The following FASTKD1 variants were observed in gnomAD, a reference collection of about 807,000 sequenced individuals.
FASTKD1 encodes FAST kinase domain-containing protein 1, mitochondrial.
FASTKD1 carries 94 observed loss-of-function variants against 90.9 expected under a neutral mutation model. That is an observed-to-expected ratio of 1.03 (90% CI 0.88 to 1.23). The LOEUF (loss-of-function observed/expected upper bound fraction) is 1.23. FASTKD1 is among the 50% of genes most tolerant of loss of function. The pLI, the probability that FASTKD1 is intolerant of heterozygous loss-of-function variation, is 0.00. For synonymous variants in FASTKD1, 319 were observed against 345.8 expected, an observed-to-expected ratio of 0.92 and a Z score of 0.86; for missense variants, 945 against 993.5, an observed-to-expected ratio of 0.95 and a Z score of 0.66.
intron 9 of FASTKD1, among the ~76,000 whole-genome samples, chr2:169,543,650 G>A (rs1310771633): frequency 1.3e-5 from 2 of 152,102 alleles, no homozygotes; most frequent in Admixed American, 6.5e-5. Context: ...ATACGCATAC[G>A]CGCTTGTGCA....
chr2:169,546,249 A>G lies in FASTKD1; in HGVS notation c.1670T>C (p.Ile557Thr). The part of the protein sequence containing the change: ...DYLSTLLLDR[I>T]ASVAVQQIEK... ...AATCTGCTGAACAGCCACTGAGGCT[A>G]TCCTATCTAGTAGCAAAGTACTGAG... The change falls in exon 8 of 15, where the codon ATA (isoleucine) becomes ACA (threonine). Residue 557 changes from isoleucine to threonine, a missense_variant. Physicochemically the swap from Ile to Thr is moderately conservative, Grantham distance 89 (BLOSUM62 -1). Coordinates refer to ENST00000453153, the MANE Select transcript of FASTKD1 (RefSeq NM_024622.6). The G allele has an allele frequency of 6.2e-7, 1 of 1,602,634 alleles. No individual in the cohort carries two copies. Among genetic ancestry groups the G allele is most frequent in the Non-Finnish European group, 8.5e-7 (1 of 1,173,166 alleles).
At chr2:169,537,683 G>A (rs770562612) in intron 11 of FASTKD1, among the ~76,000 whole-genome samples, 48 of 152,120 alleles carry the variant, frequency 3.2e-4, no homozygotes, top group Middle Eastern at 3.4e-3. Context: ...ACCGCGCCCG[G>A]ACTTAATCAG....
chr2:169,551,289 C>T (rs887366542), intron 7 of FASTKD1, among the ~76,000 whole-genome samples: 1 of 152,010 alleles, frequency 6.6e-6, no homozygotes, highest in Admixed American at 6.6e-5. Context: ...CGCTGGCACA[C>T]AGAAATGAAT....
chr2:169,537,546 A>G lies in FASTKD1; in HGVS notation c.2075-206T>C, dbSNP rs532924919. Among the ~76,000 whole-genome samples the G allele has an allele frequency of 1.1e-4, 16 of 152,064 alleles. No individual in the cohort carries two copies. The East Asian group carries it at 3.1e-3, about 29-fold the overall frequency. On this transcript the variant is annotated intron_variant, in intron 11 of 14. Transcript: ENST00000453153. The stretch of plus-strand genomic sequence containing the variant: ...ATTACAGGCATGTGCCACCACGCCC[A>G]GCTAATTTTGTATTTTTGTTAGAGA...
rs748688619 is a variant in FASTKD1 at position 169,554,501 on chromosome 2, TAAAATTACAAAAATTAACA to T, written c.1214+604_1214+622del. Among the ~76,000 whole-genome samples the T allele has an allele frequency of 6.2e-3, 705 of 114,542 alleles. 53 individuals carry two copies. Among genetic ancestry groups the T allele is most frequent in the Non-Finnish European group, 9.5e-3 (447 of 46,838 alleles). The allele number at this position is 114,542 out of a possible 152,430, so 75.1% of individuals were successfully genotyped here. ...CAATACAGTGAAATCCCATCTCTAC[TAAAATTACAAAAATTAACA>T]GGGTGTGGTGGTATGTGCCTGTATT... On this transcript the variant is annotated intron_variant, in intron 7 of 14. Coordinates refer to ENST00000453153, the MANE Select transcript of FASTKD1 (RefSeq NM_024622.6).
chr2:169,560,700 A>T lies in FASTKD1; in HGVS notation c.658T>A (p.Phe220Ile). The change falls in exon 5 of 15, where the codon TTT (phenylalanine) becomes ATT (isoleucine). Residue 220 changes from phenylalanine to isoleucine, a missense_variant. Coordinates refer to ENST00000453153, the MANE Select transcript of FASTKD1 (RefSeq NM_024622.6). ...QQLVNKTELLFDTIDSSEVNV... is the reference protein window; with the variant it reads ...QQLVNKTELLIDTIDSSEVNV... The stretch of plus-strand genomic sequence containing the variant: ...ACCTCAGAAGAATCTATGGTGTCAA[A>T]AAGAAGTTCTGTTTTGTTCACCAGT... 2.5e-6 allele frequency: 4 copies of T among 1,610,864 alleles called. No individual in the cohort carries two copies. Among genetic ancestry groups the T allele is most frequent in the Non-Finnish European group, 3.4e-6 (4 of 1,179,090 alleles).
At chr2:169,562,620 T>C (rs1411742189) in intron 4 of FASTKD1, among the ~76,000 whole-genome samples, 3 of 152,064 alleles carry the variant, frequency 2.0e-5, no homozygotes, top group African/African-American at 7.2e-5. Context: ...GAAACTTCTA[T>C]GTTCTAGATA....
At chr2:169,559,895 A>G (rs1364981306) in intron 5 of FASTKD1, among the ~76,000 whole-genome samples, 1 of 152,208 alleles carries the variant, frequency 6.6e-6, no homozygotes, top group Non-Finnish European at 1.5e-5. Flanking sequence ...ATCTAGCAAA[A>G]CTGGAAATTC....
Position 169,546,369 on chromosome 2 carries a change from AG to A in FASTKD1, c.1549del (p.Glu518LysfsTer3), listed in dbSNP as rs1342986909. The A allele has an allele frequency of 1.2e-6, 2 of 1,614,180 alleles. No individual in the cohort carries two copies. The highest frequency in any genetic ancestry group is 1.7e-6 in the Non-Finnish European group (2 of 1,180,038). On this transcript the variant is annotated frameshift_variant, in exon 8 of 15. Coordinates refer to ENST00000453153, the MANE Select transcript of FASTKD1 (RefSeq NM_024622.6). LOFTEE classifies it high-confidence loss of function. ...LKGNTFPESL[L>X]EEMIATLQHF... ...CTGTAAAGTAGCAATCATTTCTTCAAGAAGTGACTCAGGAAACGTGTTTCCT... is the reference window on the plus strand; with the variant it reads ...CTGTAAAGTAGCAATCATTTCTTCAAAAGTGACTCAGGAAACGTGTTTCCT...
At position 169,538,144 on chromosome 2, in the gene FASTKD1, GA is replaced by G; in HGVS notation, c.1946-4del. 1 of 1,587,750 alleles carries G rather than the reference GA, an allele frequency of 6.3e-7. No homozygotes were observed. Among genetic ancestry groups the G allele is most frequent in the Non-Finnish European group, 8.5e-7 (1 of 1,172,522 alleles). ...TGCACTTCGAGATGGAGATAAAACT[GA>G]AATTAATAAAATACTAATGAATTTT... On this transcript the variant is annotated splice_polypyrimidine_tract_variant and splice_region_variant and intron_variant, in intron 10 of 14. Transcript: ENST00000453153.
rs1309730079 is a variant in FASTKD1 at position 169,538,084 on chromosome 2, G to C, written c.2003C>G (p.Ser668Ter). Residue 668 changes from serine to a stop codon, truncating the protein, a stop_gained, in exon 11 of 15, where the codon TCA (serine) becomes TGA (stop). Transcript: ENST00000453153. LOFTEE classifies it high-confidence loss of function. ...AAACTCAGGGCATTCCAAGCAGACT[G>C]ATCTATTTAACTCCATAAGATGAAA... is the stretch of plus-strand genomic sequence containing the variant. ...VQFHLMELNR[S>*]VCLECPEFQI... is the part of the protein sequence containing the mutation. 6.2e-7 allele frequency: 1 copy of C among 1,611,892 alleles called. No individual in the cohort carries two copies.
At chr2:169,555,318 C>T in intron 6 of FASTKD1, 63 bp from the exon 7 acceptor site, 2 of 1,383,668 alleles carry the variant, frequency 1.4e-6, no homozygotes, top group Non-Finnish European at 2.0e-6. Context: ...TACTATGGTG[C>T]TTTCACACCA....
chr2:169,559,766 G>A (rs575462170), intron 5 of FASTKD1, among the ~76,000 whole-genome samples: 1 of 152,078 alleles, frequency 6.6e-6, no homozygotes, highest in African/African-American at 2.4e-5. Flanking sequence ...GGAAGTTTAT[G>A]TCTAGTATAA....
chr2:169,544,876 G>A (rs2105358138), intron 8 of FASTKD1, 41 bp from the exon 9 acceptor site: 1 of 1,171,530 alleles, frequency 8.5e-7, no homozygotes. Flanking sequence ...TAAACTTTAG[G>A]AAAATAAGAC....
In FASTKD1 at chr2:169,546,657, C is replaced by T. The variant is rs771281157; in HGVS notation, c.1262G>A (p.Arg421His). ...FIPTEVSVLVRAISLLPSPHL... is the reference protein window; with the variant it reads ...FIPTEVSVLVHAISLLPSPHL... ...AGGAGAAGGGAGCAGGGAAATAGCA[C>T]GGACCAGAACAGACACCTCAGTTGG... Residue 421 changes from arginine (R) to histidine (H), a missense_variant, in exon 8 of 15, where the codon CGT becomes CAT. By Grantham distance (29) the Arg-to-His change is conservative (BLOSUM62 0). Transcript: ENST00000453153. The T allele has an allele frequency of 1.5e-5, 24 of 1,613,466 alleles. No individual in the cohort carries two copies. In the East Asian group the frequency reaches 2.9e-4, roughly 19 times the overall value.
chr2:169,535,007 T>A (rs1684667898), intron 12 of FASTKD1, among the ~76,000 whole-genome samples: 1 of 152,066 alleles, frequency 6.6e-6, no homozygotes, highest in South Asian at 2.1e-4. Flanking sequence ...GTTATATTCA[T>A]ATTGTTCTGA....
At chr2:169,573,177 G>A (rs78148435) in intron 1 of FASTKD1, 4,156 of 152,198 alleles carry the variant, frequency 0.027, 82 homozygotes, top group East Asian at 0.1. Context: ...CCCTCTCTAC[G>A]GCTATGCCAA....
intron 3 of FASTKD1, among the ~76,000 whole-genome samples, chr2:169,566,032 T>G (rs1683962999): frequency 6.6e-6 from 1 of 152,312 alleles, no homozygotes; most frequent in East Asian, 1.9e-4. Flanking sequence ...TTATTAGACT[T>G]TTTCCTAATT....
chr2:169,557,738 T>C (rs1172061403), intron 5 of FASTKD1, among the ~76,000 whole-genome samples: 1 of 152,198 alleles, frequency 6.6e-6, no homozygotes, highest in Non-Finnish European at 1.5e-5. Flanking sequence ...AGAAATCTCA[T>C]ATACTAAGCA....
Sources: gnomAD v4.1 joint callset for allele counts (sites outside exome capture counted in the v4.1 genomes callset) on GRCh38, gnomAD v4.1.1 for gene constraint, MANE v1.5 for transcripts, NCBI Gene and HGNC (gene_info 2026-07-23, HGNC 2026-07-21) for gene names.